The following LRRC34 variants were observed in gnomAD, a reference collection of about 807,000 sequenced individuals.
The protein encoded by LRRC34 is leucine rich repeat containing 34, also known as leucine-rich repeat-containing protein 34.
LRRC34 carries 44 observed loss-of-function variants against 48.5 expected under a neutral mutation model. The observed-to-expected ratio is 0.91, with a 90% CI of 0.71 to 1.17. LRRC34 has a LOEUF of 1.17. Among genes scored for constraint, LRRC34 ranks in the 50% most tolerant of loss-of-function variants. LRRC34 has a pLI of 0.00. For synonymous variants in LRRC34, 192 were observed against 197.6 expected, an observed-to-expected ratio of 0.97 and a Z score of 0.24; for missense variants, 502 against 563.0, an observed-to-expected ratio of 0.89 and a Z score of 1.10.
intron 4 of LRRC34, 46 bp downstream of exon 4, chr3:169,807,380 G>C: frequency 6.5e-7 from 1 of 1,540,440 alleles, no homozygotes; most frequent in Non-Finnish European, 9.0e-7. Context: ...AGACTAATTG[G>C]TTTCATTGTA....
At chr3:169,796,092 C>T (rs1014308161) in intron 9 of LRRC34, 122 bp downstream of exon 9, 37 of 1,361,916 alleles carry the variant, frequency 2.7e-5, no homozygotes, top group Non-Finnish European at 3.3e-5. Context: ...TAACTTAATA[C>T]TATGTCAGTT....
intron 6 of LRRC34, among the ~76,000 whole-genome samples, chr3:169,802,476 T>A (rs1779228301): frequency 1.3e-5 from 2 of 152,150 alleles, no homozygotes; most frequent in Non-Finnish European, 2.9e-5. Flanking sequence ...ATTATCAGAG[T>A]ACTCAGTCAT....
chr3:169,808,714 A>G lies in LRRC34; in HGVS notation c.171T>C (p.Tyr57=), dbSNP rs1288567373. The G allele has an allele frequency of 3.1e-6, 5 of 1,593,476 alleles. No individual in the cohort carries two copies. The Admixed American group carries it at 8.5e-5, about 27-fold the overall frequency. Residue 57 remains tyrosine, a synonymous_variant, in exon 2 of 11, where the codon TAT becomes TAC. Transcript: ENST00000446859. ...GGGATTTTTCCATACACAGATTAGA[A>G]TAATGTTTCTGGAGACCAGATTCTG... ...ESPESGLQKH[Y]SNLCMEKSQK...
Position 169,807,666 on chromosome 3 carries a change from A to G in LRRC34, c.301T>C (p.Leu101=). 1 of 1,609,280 alleles carries G rather than the reference A, an allele frequency of 6.2e-7. No individual in the cohort carries two copies. Among genetic ancestry groups the G allele is most frequent in the Non-Finnish European group, 8.5e-7 (1 of 1,178,516 alleles). ...ITLNIAGNNR[L]VPVERVTGED... The stretch of plus-strand genomic sequence containing the variant: ...CCTGTAACTCTTTCTACTGGCACTA[A>G]GCGATTGTTACCAGCAATGTTTAAT... Residue 101 remains leucine (L), a synonymous_variant, in exon 3 of 11, where the codon TTA becomes CTA. Coordinates refer to ENST00000446859, the MANE Select transcript of LRRC34 (RefSeq NM_001172779.2).
intron 4 of LRRC34, 46 bp downstream of exon 4, chr3:169,807,380 G>A: frequency 6.5e-7 from 1 of 1,540,440 alleles, no homozygotes; most frequent in Non-Finnish European, 9.0e-7. Context: ...AGACTAATTG[G>A]TTTCATTGTA....
At chr3:169,807,831 C>A in intron 2 of LRRC34, 122 bp from the exon 3 acceptor site, 3 of 1,167,060 alleles carry the variant, frequency 2.6e-6, no homozygotes, top group Non-Finnish European at 3.5e-6. Context: ...TTACTGGAAG[C>A]AAGCATATAA....
chr3:169,812,705 A>G lies in LRRC34; in HGVS notation c.-157T>C. On this transcript the variant is annotated 5_prime_UTR_variant, in exon 1 of 11. Transcript: ENST00000446859. The surrounding 1 kb of genome is among the most constrained non-coding windows in gnomAD (Gnocchi z 4.3). ...GCCTACTCTGTGGAGGTCCTTTGTC[A>G]CCCTGCCCTGGTTAAAGGCAGCCTG... is the stretch of plus-strand genomic sequence containing the variant. The G allele has an allele frequency of 8.7e-7, 1 of 1,143,548 alleles. No individual in the cohort carries two copies. The highest frequency in any genetic ancestry group is 1.2e-6 in the Non-Finnish European group (1 of 865,770). The allele number at this position is 1,143,548 out of a possible 1,614,324, so 70.8% of individuals were successfully genotyped here.
chr3:169,793,996 G>A (rs1403424145), intron 10 of LRRC34, 158 bp from the exon 11 acceptor site: 3 of 536,102 alleles, frequency 5.6e-6, no homozygotes, highest in Admixed American at 7.3e-5. Flanking sequence ...TCCAGGTATT[G>A]TAAATAGATT....
intron 7 of LRRC34, among the ~76,000 whole-genome samples, chr3:169,797,489 G>A (rs972508463): frequency 1.3e-5 from 2 of 151,726 alleles, no homozygotes; most frequent in African/African-American, 4.8e-5. Context: ...CCACAATCTA[G>A]CTACTTCTAG....
chr3:169,798,693 C>T (rs953380139), intron 7 of LRRC34, among the ~76,000 whole-genome samples: 1 of 152,096 alleles, frequency 6.6e-6, no homozygotes, highest in Non-Finnish European at 1.5e-5. Context: ...AGGGATCATG[C>T]TTATAATGTG....
intron 1 of LRRC34, among the ~76,000 whole-genome samples, chr3:169,810,177 G>A (rs1216944370): frequency 1.3e-5 from 2 of 151,848 alleles, no homozygotes; most frequent in Non-Finnish European, 2.9e-5. Context: ...CTGACCTCAA[G>A]TGATCAGCCT....
rs1779398717 is a variant in LRRC34 at position 169,806,976 on chromosome 3, T to G, written c.445-45A>C. On this transcript the variant is annotated intron_variant, in intron 4 of 10. Coordinates refer to ENST00000446859, the MANE Select transcript of LRRC34 (RefSeq NM_001172779.2). ...ATTACACATTATTATTATTGGAAAT[T>G]GGTCAGTTTTACATACATGTATATA... 6 of 1,246,442 alleles carry G rather than the reference T, an allele frequency of 4.8e-6. No individual in the cohort carries two copies. The African/African-American group carries it at 7.4e-5, about 15-fold the overall frequency. 77.2% of individuals were successfully genotyped at this position (1,246,442 alleles called of 1,614,324 possible).
intron 1 of LRRC34, among the ~76,000 whole-genome samples, chr3:169,810,944 G>T (rs1779541219): frequency 6.6e-6 from 1 of 152,202 alleles, no homozygotes; most frequent in African/African-American, 2.4e-5. Context: ...CATGCCTGTA[G>T]TCCCAGCTAC....
At chr3:169,808,988 C>T (rs1010365460) in intron 1 of LRRC34, among the ~76,000 whole-genome samples, 1 of 152,154 alleles carries the variant, frequency 6.6e-6, no homozygotes, top group Non-Finnish European at 1.5e-5. Context: ...TTGGCAGACA[C>T]TGGCTCAAGT....
intron 7 of LRRC34, among the ~76,000 whole-genome samples, chr3:169,797,336 A>C (rs189162254): frequency 2.2e-4 from 33 of 152,278 alleles, no homozygotes; most frequent in South Asian, 8.3e-4. Context: ...ACAAAATACA[A>C]AGACATTTCC....
rs1396603891 is a variant in LRRC34 at position 169,796,239 on chromosome 3, TA to T, written c.1038del (p.Thr347LeufsTer12). On this transcript the variant is annotated frameshift_variant, in exon 9 of 11. Coordinates refer to ENST00000446859, the MANE Select transcript of LRRC34 (RefSeq NM_001172779.2). LOFTEE classifies it high-confidence loss of function. ...NAGANYLSETLTSHNRSLKAL... is the reference protein window; with the variant it reads ...NAGANYLSETXTSHNRSLKAL... ...GCTTTAAGACTCCTGTTGTGTGAAGTAAGAGTTTCACTGAGATAGTTTGCGC... is the reference window on the plus strand; with the variant it reads ...GCTTTAAGACTCCTGTTGTGTGAAGTAGAGTTTCACTGAGATAGTTTGCGC... The T allele has an allele frequency of 1.2e-6, 2 of 1,610,604 alleles. No individual in the cohort carries two copies. Among genetic ancestry groups the T allele is most frequent in the Middle Eastern group, 1.7e-4 (1 of 6,048 alleles).
intron 4 of LRRC34, 22 bp from the exon 5 acceptor site, chr3:169,806,953 T>A: frequency 7.1e-7 from 1 of 1,410,256 alleles, no homozygotes; most frequent in Non-Finnish European, 1.0e-6. Flanking sequence ...AAGAAGCTAT[T>A]ACACATTATT....
intron 9 of LRRC34, chr3:169,795,879 T>C: frequency 8.6e-7 from 1 of 1,163,428 alleles, no homozygotes; most frequent in Non-Finnish European, 1.1e-6. Flanking sequence ...TCTGGATAAA[T>C]GCATCCAAGT....
chr3:169,806,188 T>C (rs979464035), intron 5 of LRRC34, among the ~76,000 whole-genome samples: 2 of 152,026 alleles, frequency 1.3e-5, no homozygotes, highest in Non-Finnish European at 2.9e-5. Context: ...GGAGAAAGAA[T>C]AGTCTTTTAA....
Sources: gnomAD v4.1 joint callset for allele counts (sites outside exome capture counted in the v4.1 genomes callset) on GRCh38, gnomAD v4.1.1 for gene constraint, Gnocchi (gnomAD v3.1) non-coding constraint, MANE v1.5 for transcripts, NCBI Gene and HGNC (gene_info 2026-07-23, HGNC 2026-07-21) for gene names.